Variants in RIC1 observed in about 807,000 individuals in gnomAD.
The protein encoded by RIC1 is guanine nucleotide exchange factor subunit RIC1.
A neutral mutation model predicts 169.0 loss-of-function variants in RIC1; 88 were observed. The observed-to-expected ratio is 0.52, with a 90% confidence interval of 0.44 to 0.62. The LOEUF is 0.62. RIC1 is among the 20% of genes least tolerant of loss of function. The probability of loss-of-function intolerance (pLI) is 0.00; values close to 1 mark genes in which losing one functional copy is unlikely to be tolerated. For synonymous variants in RIC1, 790 were observed against 601.5 expected (o/e 1.31, Z -4.59); for missense variants, 1,877 against 1,725.5 (o/e 1.09, Z -1.56).
rs932817862 is a variant in RIC1, at chr9:5,645,954, T to G, written c.145-10629T>G. Among the ~76,000 whole-genome samples, 3 of 151,670 alleles carry G rather than the reference T, an allele frequency of 2.0e-5. No homozygotes were observed. The East Asian group carries it at 5.8e-4, about 29-fold the overall frequency. Reference sequence around the variant, plus strand: ...TTCATTTGGTTATTCTATAGGTTTTTTTTTTTTTTGAGAAATTTTGCTTTT... The same window carrying G: ...TTCATTTGGTTATTCTATAGGTTTTGTTTTTTTTTGAGAAATTTTGCTTTT... On this transcript the variant is annotated intron_variant, in intron 1 of 25. Transcript: ENST00000414202.
At chr9:5,759,186 G>GA (rs933634930) in intron 17 of RIC1, among the ~76,000 whole-genome samples, 1 of 151,932 alleles carries the variant, frequency 6.6e-6, no homozygotes, top group African/African-American at 2.4e-5. Context: ...TAAAAGGTGT[G>GA]AAAAAAAGTG....
chr9:5,635,141 C>T (rs920576692), intron 1 of RIC1, among the ~76,000 whole-genome samples: 1 of 152,104 alleles, frequency 6.6e-6, no homozygotes, highest in Non-Finnish European at 1.5e-5. Context: ...ATGCATGCCA[C>T]CATGCCTAGT....
intron 6 of RIC1, among the ~76,000 whole-genome samples, chr9:5,725,412 A>G (rs555910880): frequency 7.9e-5 from 12 of 152,124 alleles, no homozygotes; most frequent in Non-Finnish European, 1.6e-4. Flanking sequence ...TATCCCCTTT[A>G]TCATTTTTTA....
chr9:5,711,535 G>A (rs1368932113), intron 3 of RIC1, among the ~76,000 whole-genome samples: 2 of 151,372 alleles, frequency 1.3e-5, no homozygotes, highest in African/African-American at 2.4e-5. Flanking sequence ...CAGGACATAC[G>A]TCTTTTTTGT....
chr9:5,654,061 A>G (rs1432000255), intron 1 of RIC1, among the ~76,000 whole-genome samples: 1 of 152,010 alleles, frequency 6.6e-6, no homozygotes, highest in East Asian at 1.9e-4. Flanking sequence ...GTGCAGTGAC[A>G]TGATCTCAGC....
At position 5,753,233 on chromosome 9, in the gene RIC1, A is replaced by G. The variant is rs962438241; in HGVS notation, c.1486A>G (p.Ile496Val). The stretch of plus-strand genomic sequence containing the variant: ...CACCTATCTAGAGAGCAATTGGCCT[A>G]TACGGGTGAGTTGTTATTTTGTTGG... ...SSTYLESNWPIRFSAIDKLGQ... is the reference protein window; with the variant it reads ...SSTYLESNWPVRFSAIDKLGQ... The change falls in exon 13 of 26, where the codon ATA becomes GTA. Residue 496 changes from isoleucine (I) to valine (V), a missense_variant. By Grantham distance (29) the Ile-to-Val change is conservative (BLOSUM62 3). Around this residue, in one of 3 missense-constraint regions of RIC1, gnomAD observed 1,104 missense variants for 992.0 expected, o/e 1.11. Coordinates refer to ENST00000414202, the MANE Select transcript of RIC1 (RefSeq NM_020829.4). 24 of 1,613,584 alleles carry G rather than the reference A, an allele frequency of 1.5e-5. No individual in the cohort carries two copies. The highest frequency in any genetic ancestry group is 1.8e-5 in the Non-Finnish European group (21 of 1,179,524).
At chr9:5,728,321 T>C (rs969692883) in intron 6 of RIC1, among the ~76,000 whole-genome samples, 1 of 152,254 alleles carries the variant, frequency 6.6e-6, no homozygotes, top group Non-Finnish European at 1.5e-5. Context: ...CAAGGCTCCA[T>C]GGGCATGGGA....
At position 5,763,667 on chromosome 9, in the gene RIC1, C is replaced by T. The variant is rs200561505; in HGVS notation, c.2640C>T (p.Pro880=). The change falls in exon 19 of 26, where the codon CCC becomes CCT. Residue 880 remains proline, a synonymous_variant. Coordinates refer to ENST00000414202, the MANE Select transcript of RIC1 (RefSeq NM_020829.4). This position sits in a 1 kb window ranked among gnomAD's most constrained non-coding sequence, Gnocchi z 5.2. ...EEEATSREPI[P]DPLLPTVAKF... ...AAGCTACCTCACGGGAGCCCATTCC[C>T]GACCCTCTGCTTCCCACTGTGGCAA... The T allele has an allele frequency of 1.8e-4, 285 of 1,614,052 alleles. No homozygotes were observed. The highest frequency in any genetic ancestry group is 2.3e-4 in the Non-Finnish European group (272 of 1,180,036).
chr9:5,773,729 T>G (rs923472383), intron 25 of RIC1, among the ~76,000 whole-genome samples: 16 of 152,198 alleles, frequency 1.1e-4, no homozygotes, highest in Non-Finnish European at 1.3e-4. Flanking sequence ...ACATCAGCCT[T>G]TGCCCCTAAT....
intron 21 of RIC1, among the ~76,000 whole-genome samples, chr9:5,768,468 C>G (rs1306484335): frequency 6.6e-6 from 1 of 152,104 alleles, no homozygotes; most frequent in Non-Finnish European, 1.5e-5. Context: ...TTTGAGGTTG[C>G]AGTGAGCTAT....
intron 6 of RIC1, among the ~76,000 whole-genome samples, chr9:5,721,565 CG>C (rs1232058757): frequency 1.3e-5 from 2 of 152,184 alleles, no homozygotes; most frequent in Non-Finnish European, 2.9e-5. Flanking sequence ...ACTCAGGAAA[CG>C]GCAAACGGGC....
chr9:5,722,348 A>AGAGAGAGAGAGTGT lies in RIC1; in HGVS notation c.720+1599_720+1600insAGAGAGAGAGTGTG, dbSNP rs374028302. Among the ~76,000 whole-genome samples the AGAGAGAGAGAGTGT allele has an allele frequency of 7.7e-3, 1,012 of 131,304 alleles. 7 individuals carry two copies. The highest frequency in any genetic ancestry group is 0.014 in the East Asian group (58 of 4,256). The allele number at this position is 131,304 out of a possible 152,430, so 86.1% of individuals were successfully genotyped here. On this transcript the variant is annotated intron_variant, in intron 6 of 25. Transcript: ENST00000414202. ...CTTGCAAAAACTATAAGAGAGAGAG[A>AGAGAGAGAGAGTGT]GTGTGTGTGTGTGTGTGTGTGTGTG... is the stretch of plus-strand genomic sequence containing the variant.
rs1827448795 is a variant in RIC1, at chr9:5,774,224, C to G, written c.4250C>G (p.Thr1417Ser). Residue 1417 changes from threonine to serine, a missense_variant, in exon 26 of 26, where the codon ACT (threonine) becomes AGT (serine). Physicochemically the swap from Thr to Ser is moderately conservative, Grantham distance 58 (BLOSUM62 1). This residue lies in a region of RIC1 where 681 missense variants were observed against 582.0 expected (regional missense o/e 1.17). Coordinates refer to ENST00000414202, the MANE Select transcript of RIC1 (RefSeq NM_020829.4). ...GAGGAAGAACCTTTTCAGGATGGGA[C>G]TTACGACTGTTCTGTGTCCTAACAG... ...AEEEEPFQDG[T>S]YDCSVS The G allele has an allele frequency of 1.2e-6, 2 of 1,611,330 alleles. No homozygotes were observed. The highest frequency in any genetic ancestry group is 1.7e-6 in the Non-Finnish European group (2 of 1,178,592).
intron 4 of RIC1, among the ~76,000 whole-genome samples, chr9:5,718,759 C>G (rs1276875658): frequency 6.6e-6 from 1 of 152,054 alleles, no homozygotes; most frequent in Non-Finnish European, 1.5e-5. Context: ...AGTGAAATGT[C>G]TAAAAACTGG....
At chr9:5,650,665 T>A (rs1406913263) in intron 1 of RIC1, among the ~76,000 whole-genome samples, 4 of 152,026 alleles carry the variant, frequency 2.6e-5, no homozygotes, top group Admixed American at 6.5e-5. Flanking sequence ...GCAGTCTTGC[T>A]GTTAGTGGAG....
At chr9:5,691,192 C>T (rs1007939285) in intron 3 of RIC1, among the ~76,000 whole-genome samples, 2 of 151,760 alleles carry the variant, frequency 1.3e-5, no homozygotes, top group Non-Finnish European at 3.0e-5. Context: ...TATTATAATG[C>T]CAAGTGAAGA....
At chr9:5,732,575 A>G (rs917402558) in intron 7 of RIC1, 96 bp downstream of exon 7, 6 of 678,398 alleles carry the variant, frequency 8.8e-6, no homozygotes, top group Non-Finnish European at 1.5e-5. Context: ...CATACTTATA[A>G]ACTGCATCAT....
intron 2 of RIC1, among the ~76,000 whole-genome samples, chr9:5,662,072 G>T (rs538108155): frequency 3.9e-5 from 6 of 152,210 alleles, no homozygotes; most frequent in African/African-American, 1.2e-4. Flanking sequence ...GACCTTTTCC[G>T]CATCTATTGA....
chr9:5,692,047 C>G (rs867549901), intron 3 of RIC1, among the ~76,000 whole-genome samples: 1 of 152,034 alleles, frequency 6.6e-6, no homozygotes, highest in South Asian at 2.1e-4. Flanking sequence ...GTGTTTGACT[C>G]TATGTGTTAA....
Sources: allele counts gnomAD v4.1 joint callset (sites outside exome capture counted in the v4.1 genomes callset), GRCh38; gene constraint gnomAD v4.1.1; regional missense constraint gnomAD v4.1.1; non-coding constraint Gnocchi (gnomAD v3.1); transcripts MANE v1.5; gene names NCBI Gene and HGNC (gene_info 2026-07-23, HGNC 2026-07-21).